The following ISLR2 variants were observed in gnomAD, a reference collection of about 807,000 sequenced individuals.
The protein encoded by ISLR2 is immunoglobulin superfamily containing leucine-rich repeat protein 2.
A neutral mutation model predicts 25.5 loss-of-function variants in ISLR2; 16 were observed. The observed-to-expected ratio is 0.63, with a 90% CI of 0.43 to 0.95. The LOEUF is 0.95. Ranked by LOEUF, ISLR2 falls within the 40% of genes least tolerant of loss-of-function variation. The pLI, the probability that ISLR2 is intolerant of heterozygous loss-of-function variation, is 0.00. For missense variants in ISLR2, 883 were observed against 1,030.7 expected (o/e 0.86, Z 1.96); for synonymous variants, 508 against 486.6 (o/e 1.04, Z -0.58).
At chr15:74,124,498 C>T (rs1365126509), upstream of ISLR2, among the ~76,000 whole-genome samples, 2 of 152,142 alleles carry the variant, frequency 1.3e-5, no homozygotes, top group African/African-American at 4.8e-5. Flanking sequence ...TGGCTTACAC[C>T]TGTAATTTTC....
At chr15:74,110,507 T>C (rs755219923) in intron 2 of ISLR2, among the ~76,000 whole-genome samples, 30 of 152,178 alleles carry the variant, frequency 2.0e-4, no homozygotes, top group Non-Finnish European at 4.1e-4. Flanking sequence ...ATATCCATTC[T>C]ATGAAATACT....
Position 74,132,429 on chromosome 15 carries a change from G to A in ISLR2, c.-8-318G>A, listed in dbSNP as rs1455852659. On this transcript the variant is annotated intron_variant, in intron 2 of 2. Coordinates refer to ENST00000453268, the MANE Select transcript of ISLR2 (RefSeq NM_020851.3). This position sits in a 1 kb window ranked among gnomAD's most constrained non-coding sequence, Gnocchi z 4.3. Reference sequence around the variant, plus strand: ...GGCTTAGAAACACAGAGAGGGGTACGTGAGGAGCCCGCTGGAGATGGGCGA... The same window carrying A: ...GGCTTAGAAACACAGAGAGGGGTACATGAGGAGCCCGCTGGAGATGGGCGA... Among the ~76,000 whole-genome samples, 1 of 152,172 alleles carries A rather than the reference G, an allele frequency of 6.6e-6. No homozygotes were observed. Among genetic ancestry groups the A allele is most frequent in the East Asian group, 1.9e-4 (1 of 5,184 alleles).
At chr15:74,116,551 C>G (rs1458925530) in intron 2 of ISLR2, among the ~76,000 whole-genome samples, 4 of 139,776 alleles carry the variant, frequency 2.9e-5, no homozygotes, top group East Asian at 2.2e-4. Context: ...AAAAATGACA[C>G]TGGATAGAAA....
At chr15:74,105,876 C>A (rs1363263758) in intron 2 of ISLR2, among the ~76,000 whole-genome samples, 2 of 152,062 alleles carry the variant, frequency 1.3e-5, no homozygotes, top group East Asian at 1.9e-4. Flanking sequence ...CAAGTCTATA[C>A]AGAAATGTGT....
intron 2 of ISLR2, among the ~76,000 whole-genome samples, chr15:74,123,055 T>C (rs7172035): frequency 2.2e-3 from 335 of 152,150 alleles, no homozygotes; most frequent in African/African-American, 7.7e-3. Flanking sequence ...GCTCCCAAAA[T>C]ATTCAGTGAT....
chr15:74,113,862 C>G (rs1425086619), intron 2 of ISLR2, among the ~76,000 whole-genome samples: 4 of 152,234 alleles, frequency 2.6e-5, no homozygotes. Flanking sequence ...CGCTGTTTAG[C>G]TCTCAGCTCC....
intron 2 of ISLR2, among the ~76,000 whole-genome samples, chr15:74,111,855 G>A (rs1324572494): frequency 6.6e-6 from 1 of 152,144 alleles, no homozygotes; most frequent in Non-Finnish European, 1.5e-5. Flanking sequence ...GGAATAGCAG[G>A]AGGGGGATTT....
chr15:74,130,089 TAA>T (rs1393717377), upstream of ISLR2: 1 of 151,728 alleles, frequency 6.6e-6, no homozygotes, highest in Non-Finnish European at 1.5e-5. Flanking sequence ...AGACCAGAAG[TAA>T]AGAGTTCCGG....
Position 74,112,531 on chromosome 15 carries a change from T to G in ISLR2, n.228+8617T>G, listed in dbSNP as rs555194415. Among the ~76,000 whole-genome samples, 22 of 141,228 alleles carry G rather than the reference T, an allele frequency of 1.6e-4. No individual in the cohort carries two copies. The East Asian group carries it at 4.1e-3, about 26-fold the overall frequency. The allele number at this position is 141,228 out of a possible 152,430, so 92.7% of individuals were successfully genotyped here. ...TGTGTGAGCCATTTATGGGTCTGCT[T>G]TTTTTTTTTTTTGGAAATGGATTTT... On this transcript the variant is annotated intron_variant and non_coding_transcript_variant, in intron 2 of 3. Transcript: ENST00000561975.
Position 74,133,332 on chromosome 15 carries a change from A to C in ISLR2, c.578A>C (p.Gln193Pro). Residue 193 changes from glutamine (Q) to proline (P), a missense_variant, in exon 3 of 3, where the codon CAG (glutamine) becomes CCG (proline). Coordinates refer to ENST00000453268, the MANE Select transcript of ISLR2 (RefSeq NM_020851.3). Reference sequence around the variant, plus strand: ...TGCGGCTGCGGCCTTGTGTGGCTGCAGGCCTGGGCCGCGAGCACCCGGGTG... The same window carrying C: ...TGCGGCTGCGGCCTTGTGTGGCTGCCGGCCTGGGCCGCGAGCACCCGGGTG... Reference protein sequence around the residue: ...FHCGCGLVWLQAWAASTRVSL... With the variant: ...FHCGCGLVWLPAWAASTRVSL... The C allele has an allele frequency of 1.2e-6, 2 of 1,609,318 alleles. No individual in the cohort carries two copies. The highest frequency in any genetic ancestry group is 1.7e-6 in the Non-Finnish European group (2 of 1,179,804).
In ISLR2 at chr15:74,132,889, G is replaced by A. The variant is rs749453550; in HGVS notation, c.135G>A (p.Val45=). ...GCGCTTACAAAGAGTTGCGTGAGGT[G>A]CCGGAAGGACTGCCTGCCAACGTGA... ...ADCAYKELRE[V]PEGLPANVTT... Residue 45 remains valine (V), a synonymous_variant, in exon 3 of 3, where the codon GTG becomes GTA. Coordinates refer to ENST00000453268, the MANE Select transcript of ISLR2 (RefSeq NM_020851.3). The surrounding 1 kb of genome is among the most constrained non-coding windows in gnomAD (Gnocchi z 4.3). 1 of 1,614,120 alleles carries A rather than the reference G, an allele frequency of 6.2e-7. No individual in the cohort carries two copies. The highest frequency in any genetic ancestry group is 2.2e-5 in the East Asian group (1 of 44,880).
At chr15:74,107,229 G>C (rs544837374) in intron 2 of ISLR2, among the ~76,000 whole-genome samples, 1 of 152,176 alleles carries the variant, frequency 6.6e-6, no homozygotes, top group Non-Finnish European at 1.5e-5. Context: ...TGTCCACCAG[G>C]CATCCCGGCA....
chr15:74,111,591 T>TATTC (rs71137377), intron 2 of ISLR2, among the ~76,000 whole-genome samples: 19,282 of 150,876 alleles, frequency 0.13, 1,422 homozygotes, highest in Non-Finnish European at 0.17. Flanking sequence ...GCCAGGCCTC[T>TATTC]ATTCATTCAT....
intron 2 of ISLR2, among the ~76,000 whole-genome samples, chr15:74,106,940 C>T (rs1484338805): frequency 1.3e-5 from 2 of 152,116 alleles, no homozygotes; most frequent in African/African-American, 2.4e-5. Flanking sequence ...GCTCCGAACT[C>T]GTACTAGTTG....
intron 1 of ISLR2, among the ~76,000 whole-genome samples, chr15:74,103,078 G>A (rs1448738074): frequency 6.7e-6 from 1 of 148,162 alleles, no homozygotes; most frequent in African/African-American, 2.5e-5. Flanking sequence ...AAAGTGCTGG[G>A]ATTACAGGCC....
intron 2 of ISLR2, among the ~76,000 whole-genome samples, chr15:74,116,141 G>C (rs1232962770): frequency 6.6e-6 from 1 of 152,180 alleles, no homozygotes; most frequent in Non-Finnish European, 1.5e-5. Context: ...AGGTTGCAGT[G>C]AGCTGTGATT....
rs533474834 is a variant in ISLR2, at chr15:74,134,277, G to A, written c.1523G>A (p.Arg508His). The A allele has an allele frequency of 6.4e-7, 1 of 1,553,340 alleles. No individual in the cohort carries two copies. Among genetic ancestry groups the A allele is most frequent in the Non-Finnish European group, 8.7e-7 (1 of 1,148,514 alleles). ...GTGCAGCTGACTCCGCTGGCTGCGCGCTGGGGCCCTGGGCCCGGCGGGGCT... is the reference window on the plus strand; with the variant it reads ...GTGCAGCTGACTCCGCTGGCTGCGCACTGGGGCCCTGGGCCCGGCGGGGCT... ...ARVQLTPLAARWGPGPGGAGG... is the reference protein window; with the variant it reads ...ARVQLTPLAAHWGPGPGGAGG... Residue 508 changes from arginine (R) to histidine (H), a missense_variant, in exon 3 of 3, where the codon CGC becomes CAC. By Grantham distance (29) the Arg-to-His change is conservative (BLOSUM62 0). Coordinates refer to ENST00000453268, the MANE Select transcript of ISLR2 (RefSeq NM_020851.3).
At chr15:74,136,858 G>C (rs1356311486), downstream of ISLR2, 1 of 166,736 alleles carries the variant, frequency 6.0e-6, no homozygotes, top group Non-Finnish European at 1.5e-5. Flanking sequence ...GGCGATGAAG[G>C]AGGAAACCGC....
intron 2 of ISLR2, among the ~76,000 whole-genome samples, chr15:74,109,027 A>G (rs573311957): frequency 6.6e-6 from 1 of 152,342 alleles, no homozygotes; most frequent in African/African-American, 2.4e-5. Context: ...AACATTTAAT[A>G]CCTTTTGATT....
Sources: allele counts gnomAD v4.1 joint callset (sites outside exome capture counted in the v4.1 genomes callset), GRCh38; gene constraint gnomAD v4.1.1; non-coding constraint Gnocchi (gnomAD v3.1); transcripts MANE v1.5; gene names NCBI Gene and HGNC (gene_info 2026-07-23, HGNC 2026-07-21).